Variants in SLC35F3 observed in about 807,000 individuals in gnomAD.
The protein encoded by SLC35F3 is solute carrier family 35 member F3.
SLC35F3 carries 25 observed loss-of-function variants against 49.9 expected under a neutral mutation model. The ratio of observed to expected loss-of-function variants is 0.50; its 90% CI spans 0.37 to 0.70. The LOEUF (loss-of-function observed/expected upper bound fraction) is 0.70, where lower values mean the gene tolerates loss of function less well. Among genes scored for constraint, SLC35F3 ranks in the 30% least tolerant of loss-of-function variants. SLC35F3 has a pLI of 0.00. For missense variants in SLC35F3, 525 were observed against 639.8 expected (o/e 0.82, Z 1.94); for synonymous variants, 275 against 265.4 (o/e 1.04, Z -0.35).
chr1:234,176,387 A>G (rs1391317244), intron 2 of SLC35F3, among the ~76,000 whole-genome samples: 1 of 152,202 alleles, frequency 6.6e-6, no homozygotes, highest in Non-Finnish European at 1.5e-5. Context: ...CAACCTGGAC[A>G]AAGGAAGATC....
intron 2 of SLC35F3, among the ~76,000 whole-genome samples, chr1:233,907,162 C>A (rs1661790727): frequency 6.6e-6 from 1 of 152,202 alleles, no homozygotes; most frequent in Non-Finnish European, 1.5e-5. Flanking sequence ...TAGCAATTTT[C>A]TATTCTTATT....
chr1:233,920,894 A>G (rs1662048006), intron 2 of SLC35F3, among the ~76,000 whole-genome samples: 2 of 152,232 alleles, frequency 1.3e-5, no homozygotes, highest in South Asian at 4.1e-4. Context: ...ACAACGCTGT[A>G]GGCAGAAAAA....
At chr1:233,950,119 G>A (rs1298287346) in intron 2 of SLC35F3, among the ~76,000 whole-genome samples, 1 of 152,028 alleles carries the variant, frequency 6.6e-6, no homozygotes, top group Non-Finnish European at 1.5e-5. Flanking sequence ...ACACTCTCTG[G>A]AGGAAAAAGA....
intron 2 of SLC35F3, among the ~76,000 whole-genome samples, chr1:234,105,137 A>AAAC (rs1665266683): frequency 6.6e-6 from 1 of 151,924 alleles, no homozygotes; most frequent in South Asian, 2.1e-4. Context: ...AAAAAAAAAA[A>AAAC]AAAAAACCTT....
chr1:234,054,663 TC>T (rs1196939202), intron 2 of SLC35F3, among the ~76,000 whole-genome samples: 1 of 152,242 alleles, frequency 6.6e-6, no homozygotes, highest in African/African-American at 2.4e-5. Context: ...TCATTCTCTG[TC>T]CGGCTTTGTT....
intron 3 of SLC35F3, among the ~76,000 whole-genome samples, chr1:234,278,505 ACG>A (rs1392509851): frequency 6.6e-6 from 1 of 151,064 alleles, no homozygotes; most frequent in African/African-American, 2.4e-5. Flanking sequence ...AAAAAAAAAA[ACG>A]AAAAAAAAAG....
Position 234,277,824 on chromosome 1 carries a change from G to A in SLC35F3, c.609-31277G>A, listed in dbSNP as rs536760856. On this transcript the variant is annotated intron_variant, in intron 3 of 7. Coordinates refer to ENST00000366618, the MANE Select transcript of SLC35F3 (RefSeq NM_173508.4). ...TTTTCTGGAAGGCAAACGACACTGCGAAATGAGAGAGGAAATGGCTGACAA... is the reference window on the plus strand; with the variant it reads ...TTTTCTGGAAGGCAAACGACACTGCAAAATGAGAGAGGAAATGGCTGACAA... Among the ~76,000 whole-genome samples, 31 of 152,330 alleles carry A rather than the reference G, an allele frequency of 2.0e-4. No individual in the cohort carries two copies. The South Asian group carries it at 2.9e-3, about 14-fold the overall frequency.
intron 5 of SLC35F3, among the ~76,000 whole-genome samples, chr1:234,318,111 C>T (rs976480452): frequency 2.0e-5 from 3 of 152,200 alleles, no homozygotes; most frequent in African/African-American, 4.8e-5. Flanking sequence ...GCTCACTCAG[C>T]GCAGGAGCTG....
chr1:234,320,203 T>A lies in SLC35F3; in HGVS notation c.1237+16T>A. On this transcript the variant is annotated intron_variant, in intron 7 of 7. Transcript: ENST00000366618. The surrounding 1 kb of genome is among the most constrained non-coding windows in gnomAD (Gnocchi z 4.8). ...GTGAATGCAGGTAAACCTATGCGGC[T>A]TTCTATATCTGCACATAAGCACACA... The A allele has an allele frequency of 6.3e-7, 1 of 1,588,778 alleles. No homozygotes were observed. Among genetic ancestry groups the A allele is most frequent in the Non-Finnish European group, 8.6e-7 (1 of 1,157,310 alleles).
At chr1:234,102,722 A>C (rs1190356584) in intron 2 of SLC35F3, among the ~76,000 whole-genome samples, 1 of 152,206 alleles carries the variant, frequency 6.6e-6, no homozygotes, top group Non-Finnish European at 1.5e-5. Context: ...CTCCTTCTGC[A>C]ATTACAGACC....
At chr1:234,163,903 A>G (rs1443997626) in intron 2 of SLC35F3, among the ~76,000 whole-genome samples, 1 of 152,174 alleles carries the variant, frequency 6.6e-6, no homozygotes, top group Non-Finnish European at 1.5e-5. Flanking sequence ...GAGGAGTGAA[A>G]GAACTTATTC....
At chr1:234,281,356 T>G (rs935228802) in intron 3 of SLC35F3, among the ~76,000 whole-genome samples, 2 of 152,044 alleles carry the variant, frequency 1.3e-5, no homozygotes, top group African/African-American at 4.8e-5. Flanking sequence ...ACTTCTAGCT[T>G]CCAAATCGTG....
chr1:234,140,002 A>AATAAATAAAAAAAT, intron 2 of SLC35F3, among the ~76,000 whole-genome samples: 2 of 105,356 alleles, frequency 1.9e-5, no homozygotes, highest in Non-Finnish European at 4.7e-5. Flanking sequence ...AATAAAATAA[A>AATAAATAAAAAAAT]GTAAGTGACT....
chr1:233,992,974 C>T (rs4611088), intron 2 of SLC35F3, among the ~76,000 whole-genome samples: 41,896 of 152,058 alleles, frequency 0.28, 6,018 homozygotes, highest in East Asian at 0.49. Flanking sequence ...ACCCTCTGTG[C>T]TGTAGATGCT....
chr1:234,075,089 G>A (rs1489643390), intron 2 of SLC35F3, among the ~76,000 whole-genome samples: 1 of 152,208 alleles, frequency 6.6e-6, no homozygotes, highest in Non-Finnish European at 1.5e-5. Context: ...GAGATACACC[G>A]ATGAGAGAGT....
intron 2 of SLC35F3, among the ~76,000 whole-genome samples, chr1:233,988,840 A>C (rs1219468865): frequency 6.6e-6 from 1 of 152,176 alleles, no homozygotes; most frequent in East Asian, 1.9e-4. Context: ...CTTAAGTTTC[A>C]AAAGAAGATT....
intron 2 of SLC35F3, among the ~76,000 whole-genome samples, chr1:234,049,350 A>G (rs989326810): frequency 6.6e-5 from 10 of 151,758 alleles, no homozygotes; most frequent in East Asian, 1.9e-4. Flanking sequence ...CTCTCTCTCT[A>G]TCTCCTCTCT....
intron 2 of SLC35F3, among the ~76,000 whole-genome samples, chr1:234,134,958 G>T (rs1296508233): frequency 6.6e-6 from 1 of 152,048 alleles, no homozygotes; most frequent in Non-Finnish European, 1.5e-5. Flanking sequence ...TGACCTCAGT[G>T]ATCCACCTGC....
chr1:234,276,533 G>A, intron 3 of SLC35F3, among the ~76,000 whole-genome samples: 1 of 152,118 alleles, frequency 6.6e-6, no homozygotes, highest in Middle Eastern at 3.2e-3. Context: ...AACTAACTCA[G>A]TAGAAAGCTT....
Sources: allele counts gnomAD v4.1 joint callset (sites outside exome capture counted in the v4.1 genomes callset), GRCh38; gene constraint gnomAD v4.1.1; non-coding constraint Gnocchi (gnomAD v3.1); transcripts MANE v1.5; gene names NCBI Gene and HGNC (gene_info 2026-07-23, HGNC 2026-07-21).